The following GULP1 variants were observed in gnomAD, a reference collection of about 807,000 sequenced individuals.
The protein encoded by GULP1 is PTB domain-containing engulfment adapter protein 1.
In GULP1, 19 loss-of-function variants were observed where a neutral mutation model predicts 40.9. That is an observed-to-expected ratio of 0.46 (90% CI 0.32 to 0.68). The LOEUF (loss-of-function observed/expected upper bound fraction) is 0.68. Among genes scored for constraint, GULP1 ranks in the 30% least tolerant of loss-of-function variants. GULP1 has a pLI of 0.03. For synonymous variants in GULP1, 119 were observed against 117.6 expected (o/e 1.01, Z -0.08); for missense variants, 312 against 362.2 (o/e 0.86, Z 1.12).
chr2:188,451,510 C>G (rs904919518), intron 2 of GULP1, among the ~76,000 whole-genome samples: 2 of 152,132 alleles, frequency 1.3e-5, no homozygotes, highest in African/African-American at 4.8e-5. Flanking sequence ...TAATTATTAT[C>G]TGCTGCTTAT....
chr2:188,357,032 A>G (rs1447858797), intron 1 of GULP1, among the ~76,000 whole-genome samples: 2 of 152,152 alleles, frequency 1.3e-5, no homozygotes, highest in Admixed American at 1.3e-4. Flanking sequence ...CTGGACCCCT[A>G]TGTTTCACCA....
chr2:188,498,917 G>A (rs1040616213), intron 4 of GULP1, among the ~76,000 whole-genome samples: 1 of 151,186 alleles, frequency 6.6e-6, no homozygotes, highest in Non-Finnish European at 1.5e-5. Flanking sequence ...CTGGCTTTAC[G>A]TGGAGAAGGA....
Position 188,518,628 on chromosome 2 carries a change from C to G in GULP1, c.91-4128C>G, listed in dbSNP as rs557306114. 3.9e-5 allele frequency among the ~76,000 whole-genome samples: 6 copies of G among 152,162 alleles called. No homozygotes were observed. The East Asian group carries it at 1.2e-3, about 29-fold the overall frequency. ...GGTCTTGAGTGTGAGTCATTACCAG[C>G]AAAGCATGTGGAAACTGGAAGATGG... On this transcript the variant is annotated intron_variant, in intron 4 of 11. Coordinates refer to ENST00000409830, the MANE Select transcript of GULP1 (RefSeq NM_016315.4).
intron 1 of GULP1, among the ~76,000 whole-genome samples, chr2:188,323,136 C>T (rs114521139): frequency 0.016 from 2,379 of 152,050 alleles, 71 homozygotes; most frequent in African/African-American, 0.055. Context: ...GACACTCTTC[C>T]AGATCCAGCT....
At position 188,540,154 on chromosome 2, in the gene GULP1, G is replaced by A. The variant is rs1575903054; in HGVS notation, c.262-1027G>A. Among the ~76,000 whole-genome samples, 4 of 152,058 alleles carry A rather than the reference G, an allele frequency of 2.6e-5. No homozygotes were observed. The Middle Eastern group carries it at 0.01, about 388-fold the overall frequency. ...TGATTGATATTTCTAGTGTTACAGT[G>A]TATCTTAGGAAAATATATTTATGAC... On this transcript the variant is annotated intron_variant, in intron 6 of 11. Transcript: ENST00000409830.
intron 7 of GULP1, among the ~76,000 whole-genome samples, chr2:188,553,045 TC>T (rs1693886364): frequency 6.6e-6 from 1 of 151,930 alleles, no homozygotes; most frequent in South Asian, 2.1e-4. Flanking sequence ...TTTTGAATCC[TC>T]CATCTTACTA....
intron 4 of GULP1, among the ~76,000 whole-genome samples, chr2:188,494,702 G>T (rs1398426455): frequency 1.3e-5 from 2 of 151,982 alleles, no homozygotes; most frequent in Non-Finnish European, 1.5e-5. Context: ...ATATCTTTAA[G>T]TAGCATCACA....
At chr2:188,341,098 G>T (rs187589886) in intron 1 of GULP1, among the ~76,000 whole-genome samples, 228 of 152,240 alleles carry the variant, frequency 1.5e-3, no homozygotes, top group Non-Finnish European at 1.5e-3. Context: ...ACTTTGGGCT[G>T]TGGTTCCGGG....
chr2:188,365,723 G>A (rs2046694754), intron 1 of GULP1, among the ~76,000 whole-genome samples: 2 of 152,186 alleles, frequency 1.3e-5, no homozygotes, highest in Non-Finnish European at 1.5e-5. Flanking sequence ...GCGGACTCTA[G>A]TTGGCCCTGC....
chr2:188,339,676 A>G (rs551175598), intron 1 of GULP1, among the ~76,000 whole-genome samples: 82 of 152,312 alleles, frequency 5.4e-4, no homozygotes, highest in African/African-American at 1.9e-3. Context: ...TAAGGTTTCA[A>G]AATAACCATC....
chr2:188,427,420 TTG>T (rs959953664), intron 2 of GULP1, among the ~76,000 whole-genome samples: 1 of 152,224 alleles, frequency 6.6e-6, no homozygotes, highest in African/African-American at 2.4e-5. Context: ...TCGGAGACAT[TTG>T]TGCAGCTCCT....
chr2:188,516,615 TAA>T (rs1308283406), intron 4 of GULP1, among the ~76,000 whole-genome samples: 1 of 152,188 alleles, frequency 6.6e-6, no homozygotes, highest in Non-Finnish European at 1.5e-5. Flanking sequence ...TTGGCTCTCC[TAA>T]AACAGGTTCT....
At chr2:188,442,523 A>G (rs1425878195) in intron 2 of GULP1, among the ~76,000 whole-genome samples, 1 of 152,234 alleles carries the variant, frequency 6.6e-6, no homozygotes, top group African/African-American at 2.4e-5. Context: ...AAAAATATGT[A>G]AATTACCTAG....
At position 188,569,314 on chromosome 2, in the gene GULP1, G is replaced by A; in HGVS notation, c.475G>A (p.Asp159Asn). The A allele has an allele frequency of 2.5e-6, 4 of 1,599,712 alleles. No individual in the cohort carries two copies. The highest frequency in any genetic ancestry group is 3.4e-6 in the Non-Finnish European group (4 of 1,167,090). ...GAAATTTCTAGAATCAGGAGGAAAA[G>A]ATGTTGAAACAAGAAAACAGATCGC... is the stretch of plus-strand genomic sequence containing the variant. ...YRKFLESGGK[D>N]VETRKQIAGL... Residue 159 changes from aspartate (D) to asparagine (N), a missense_variant, in exon 8 of 12, where the codon GAT becomes AAT. By Grantham distance (23) the Asp-to-Asn change is conservative. Coordinates refer to ENST00000409830, the MANE Select transcript of GULP1 (RefSeq NM_016315.4).
intron 2 of GULP1, among the ~76,000 whole-genome samples, chr2:188,392,637 G>C (rs1213866646): frequency 6.6e-6 from 1 of 151,826 alleles, no homozygotes; most frequent in East Asian, 1.9e-4. Context: ...TGCTAGTTTT[G>C]AGTTTGGTTT....
intron 4 of GULP1, among the ~76,000 whole-genome samples, chr2:188,509,956 G>A (rs1462718930): frequency 3.3e-5 from 5 of 152,012 alleles, no homozygotes; most frequent in South Asian, 4.1e-4. Context: ...GATACATAGA[G>A]TATGCACAAT....
At chr2:188,458,086 T>C (rs772016193) in intron 2 of GULP1, among the ~76,000 whole-genome samples, 1 of 152,120 alleles carries the variant, frequency 6.6e-6, no homozygotes, top group Non-Finnish European at 1.5e-5. Flanking sequence ...GAAGAGAAAT[T>C]CTACACTTTC....
intron 1 of GULP1, among the ~76,000 whole-genome samples, chr2:188,355,323 T>C (rs2152324719): frequency 6.6e-6 from 1 of 151,698 alleles, no homozygotes; most frequent in East Asian, 1.9e-4. Context: ...CCAAAATAAA[T>C]AAAATCAGAA....
chr2:188,389,546 G>A (rs528278366), intron 2 of GULP1, among the ~76,000 whole-genome samples: 2 of 152,194 alleles, frequency 1.3e-5, no homozygotes, highest in East Asian at 3.9e-4. Flanking sequence ...TAATGGATAG[G>A]AAAAGTGTCC....
Sources: gnomAD v4.1 joint callset for allele counts (sites outside exome capture counted in the v4.1 genomes callset) on GRCh38, gnomAD v4.1.1 for gene constraint, MANE v1.5 for transcripts, NCBI Gene and HGNC (gene_info 2026-07-23, HGNC 2026-07-21) for gene names.